The following NLK variants were observed in gnomAD, a reference collection of about 807,000 sequenced individuals.
NLK encodes serine/threonine-protein kinase NLK.
A neutral mutation model predicts 59.0 loss-of-function variants in NLK; 11 were observed. The observed-to-expected ratio is 0.19, with a 90% CI of 0.12 to 0.31. NLK has a LOEUF of 0.31. NLK is among the 10% of genes least tolerant of loss of function. NLK has a pLI of 1.00. For synonymous variants in NLK, 235 were observed against 235.9 expected, an observed-to-expected ratio of 1.00 and a Z score of 0.03; for missense variants, 410 against 661.1, an observed-to-expected ratio of 0.62 and a Z score of 4.16.
At chr17:28,159,798 C>G (rs991426737) in intron 3 of NLK, among the ~76,000 whole-genome samples, 1 of 152,132 alleles carries the variant, frequency 6.6e-6, no homozygotes, top group African/African-American at 2.4e-5. Flanking sequence ...ATCCTGGCTG[C>G]TGTTTTAGAA....
intron 1 of NLK, among the ~76,000 whole-genome samples, chr17:28,059,850 T>C (rs183610308): frequency 9.2e-5 from 14 of 152,180 alleles, no homozygotes; most frequent in Admixed American, 2.6e-4. Context: ...GAGAAAGATA[T>C]GCACTAGCAC....
At chr17:28,183,917 T>C (rs1909014271) in intron 7 of NLK, among the ~76,000 whole-genome samples, 1 of 152,218 alleles carries the variant, frequency 6.6e-6, no homozygotes, top group Non-Finnish European at 1.5e-5. Context: ...TTTGTCACCT[T>C]CCTTAATTCT....
chr17:28,096,662 T>C lies in NLK; in HGVS notation c.459-25941T>C, dbSNP rs35675882. On this transcript the variant is annotated intron_variant, in intron 1 of 10. Coordinates refer to ENST00000407008, the MANE Select transcript of NLK (RefSeq NM_016231.5). Reference sequence around the variant, plus strand: ...AAATTAATCAAAGCCCTTGTGCATATTGAAGACACTTCTCTAGTTTCCCAC... The same window carrying C: ...AAATTAATCAAAGCCCTTGTGCATACTGAAGACACTTCTCTAGTTTCCCAC... Among the ~76,000 whole-genome samples, 1,001 of 152,284 alleles carry C rather than the reference T, an allele frequency of 6.6e-3. 17 individuals are homozygous for C. Among genetic ancestry groups the C allele is most frequent in the African/African-American group, 0.022 (932 of 41,546 alleles).
intron 3 of NLK, among the ~76,000 whole-genome samples, chr17:28,149,065 TAAAAA>T (rs1377912981): frequency 6.6e-6 from 1 of 152,340 alleles, no homozygotes; most frequent in African/African-American, 2.4e-5. Flanking sequence ...ATGTTGTTGT[TAAAAA>T]ACGTTTTTTT....
At chr17:28,134,099 A>C (rs1427115358) in intron 3 of NLK, among the ~76,000 whole-genome samples, 1 of 152,122 alleles carries the variant, frequency 6.6e-6, no homozygotes, top group Admixed American at 6.6e-5. Context: ...AAAAATAAAA[A>C]AATAAAAAGT....
intron 1 of NLK, among the ~76,000 whole-genome samples, chr17:28,086,245 C>G (rs1475455781): frequency 6.6e-6 from 1 of 152,184 alleles, no homozygotes; most frequent in East Asian, 1.9e-4. Context: ...TTACCCCTCT[C>G]AGAGGCAAAG....
chr17:28,069,380 T>C (rs1471321352), intron 1 of NLK, among the ~76,000 whole-genome samples: 1 of 152,238 alleles, frequency 6.6e-6, no homozygotes, highest in Non-Finnish European at 1.5e-5. Context: ...ATATAAGTTT[T>C]TATTTCTCTA....
At chr17:28,151,979 A>C (rs1306312742) in intron 3 of NLK, among the ~76,000 whole-genome samples, 1 of 152,186 alleles carries the variant, frequency 6.6e-6, no homozygotes, top group African/African-American at 2.4e-5. Context: ...CTTTATATTC[A>C]TTTTGAATAC....
chr17:28,109,497 A>G (rs1905371681), intron 1 of NLK, among the ~76,000 whole-genome samples: 1 of 152,204 alleles, frequency 6.6e-6, no homozygotes, highest in African/African-American at 2.4e-5. Context: ...GAATATTTTC[A>G]TCACCCCAAA....
chr17:28,091,080 TTTTA>T (rs550312844), intron 1 of NLK, among the ~76,000 whole-genome samples: 74 of 152,318 alleles, frequency 4.9e-4, no homozygotes, highest in African/African-American at 8.9e-4. Context: ...TTTTATTTCA[TTTTA>T]TTTATTTACT....
chr17:28,071,736 GAAGGCTTCATCAGAAAGAATTGGC>G lies in NLK; in HGVS notation c.458+28407_458+28430del, dbSNP rs1232448140. Among the ~76,000 whole-genome samples, 3 of 152,272 alleles carry G rather than the reference GAAGGCTTCATCAGAAAGAATTGGC, an allele frequency of 2.0e-5. No individual in the cohort carries two copies. In the East Asian group the frequency reaches 5.8e-4, roughly 29 times the overall value. ...TCAGCAATCCTGCTGTATCCTACGT[GAAGGCTTCATCAGAAAGAATTGGC>G]AGAACAGGTCTGGAGAGCCTCAGGT... On this transcript the variant is annotated intron_variant, in intron 1 of 10. Transcript: ENST00000407008.
At chr17:28,054,316 T>C (rs1175679438) in intron 1 of NLK, among the ~76,000 whole-genome samples, 1 of 152,236 alleles carries the variant, frequency 6.6e-6, no homozygotes, top group Non-Finnish European at 1.5e-5. Context: ...ACTGGGTGTA[T>C]ACCATAGCCA....
At chr17:28,111,894 GTGGTGTGTGTGTGT>G (rs1349981768) in intron 1 of NLK, among the ~76,000 whole-genome samples, 2 of 102,398 alleles carry the variant, frequency 2.0e-5, no homozygotes, top group African/African-American at 4.3e-5. Context: ...GTGTGTGTGT[GTGGTGTGTGTGTGT>G]GTGTGTGTGT....
At chr17:28,068,369 A>G (rs1909905241) in intron 1 of NLK, among the ~76,000 whole-genome samples, 1 of 152,134 alleles carries the variant, frequency 6.6e-6, no homozygotes. Context: ...GAGTAAAATA[A>G]GGAGTTGTAT....
At chr17:28,204,455 C>T in the NLK span, among the ~76,000 whole-genome samples, 1 of 152,200 alleles carries the variant, frequency 6.6e-6, no homozygotes, top group Non-Finnish European at 1.5e-5. Flanking sequence ...GAATAGACTT[C>T]TGTCTTCAAG....
chr17:28,176,847 G>T (rs896784454), intron 7 of NLK, among the ~76,000 whole-genome samples: 2 of 152,028 alleles, frequency 1.3e-5, no homozygotes, highest in Admixed American at 1.3e-4. Flanking sequence ...TGTATAAATA[G>T]AATATGAGAC....
intron 1 of NLK, among the ~76,000 whole-genome samples, chr17:28,109,257 A>G (rs904683737): frequency 6.6e-6 from 1 of 152,136 alleles, no homozygotes; most frequent in Non-Finnish European, 1.5e-5. Context: ...ACCTATTTGG[A>G]TGAATGGAAA....
At position 28,150,738 on chromosome 17, in the gene NLK, A is replaced by G. The variant is rs577345846; in HGVS notation, c.645-10422A>G. Among the ~76,000 whole-genome samples the G allele has an allele frequency of 5.9e-5, 9 of 152,256 alleles. No homozygotes were observed. The East Asian group carries it at 1.5e-3, about 26-fold the overall frequency. ...CCATATTTCATGGAGCTACTTAACT[A>G]ATTGCTGCAATCAGCAGCAATTTGT... On this transcript the variant is annotated intron_variant, in intron 3 of 10. Coordinates refer to ENST00000407008, the MANE Select transcript of NLK (RefSeq NM_016231.5).
chr17:28,139,396 A>G (rs532150289), intron 3 of NLK, among the ~76,000 whole-genome samples: 2 of 152,348 alleles, frequency 1.3e-5, no homozygotes, highest in East Asian at 1.9e-4. Flanking sequence ...CTTACCCACT[A>G]TCACTGATCC....
Sources: gnomAD v4.1 joint callset for allele counts (sites outside exome capture counted in the v4.1 genomes callset) on GRCh38, gnomAD v4.1.1 for gene constraint, MANE v1.5 for transcripts, NCBI Gene and HGNC (gene_info 2026-07-23, HGNC 2026-07-21) for gene names.